ZMAT1: variants seen among roughly 807,000 people sequenced by gnomAD.
ZMAT1 encodes the protein zinc finger matrin-type 1.
ZMAT1 carries 11 observed loss-of-function variants against 18.5 expected under a neutral mutation model. The ratio of observed to expected loss-of-function variants is 0.59; its 90% CI spans 0.37 to 0.98. ZMAT1 has a LOEUF of 0.98. ZMAT1 is among the 50% of genes least tolerant of loss of function. The probability of loss-of-function intolerance (pLI) is 0.01; values close to 1 mark genes in which losing one functional copy is unlikely to be tolerated. For synonymous variants in ZMAT1, 211 were observed against 176.4 expected, an observed-to-expected ratio of 1.20 and a Z score of -1.55; for missense variants, 525 against 496.2, an observed-to-expected ratio of 1.06 and a Z score of -0.55.
In ZMAT1 at chrX:101,889,197, T is replaced by C. The variant is rs546224303; in HGVS notation, c.677-2466A>G. On this transcript the variant is annotated intron_variant, in intron 4 of 5. Coordinates refer to ENST00000651725, the MANE Select transcript of ZMAT1 (RefSeq NM_001394560.1). ...TGTGTAAACCCTTTCTGTGAAGATA[T>C]GAAACCTATTTATGGCCCCAAGGTC... The C allele has an allele frequency of 3.6e-5, 4 of 111,708 alleles. No individual in the cohort carries two copies. The South Asian group carries it at 1.5e-3, about 42-fold the overall frequency. 9.2% of individuals were successfully genotyped at this position (111,708 alleles called of 1,213,427 possible).
intron 1 of ZMAT1, among the ~76,000 whole-genome samples, chrX:101,921,099 G>A (rs1929695140): frequency 2.7e-5 from 3 of 110,850 alleles, no homozygotes; most frequent in African/African-American, 9.8e-5. Flanking sequence ...CGAAGTTGAG[G>A]CTAAATAATC....
Position 101,898,156 on chromosome X carries a change from G to T in ZMAT1, c.464C>A (p.Pro155His), listed in dbSNP as rs769324501. The change falls in exon 3 of 6, where the codon CCT becomes CAT. Residue 155 changes from proline to histidine, a missense_variant. Pro to His is a moderately conservative substitution (Grantham distance 77, BLOSUM62 -2). Coordinates refer to ENST00000651725, the MANE Select transcript of ZMAT1 (RefSeq NM_001394560.1). Reference protein sequence around the residue: ...FQMHGEQNEVPGKKMKMHVEN... With the variant: ...FQMHGEQNEVHGKKMKMHVEN... ...AACATGCATCTTCATTTTCTTACCA[G>T]GCACTTCATTTTGTTCCCCATGCAT... The T allele has an allele frequency of 4.1e-6, 5 of 1,209,054 alleles. No individual in the cohort carries two copies. Among genetic ancestry groups the T allele is most frequent in the Middle Eastern group, 2.3e-4 (1 of 4,370 alleles).
intron 1 of ZMAT1, among the ~76,000 whole-genome samples, chrX:101,907,226 G>T (rs1928674700): frequency 9.0e-6 from 1 of 111,474 alleles, no homozygotes; most frequent in African/African-American, 3.3e-5. Flanking sequence ...CAGGCTTCAG[G>T]TTGGCAGGTT....
At chrX:101,885,063 A>T (rs1447502665) in intron 5 of ZMAT1, among the ~76,000 whole-genome samples, 1 of 111,072 alleles carries the variant, frequency 9.0e-6, no homozygotes, top group African/African-American at 3.3e-5. Flanking sequence ...CCCCCCAAAA[A>T]GGAGCATGGA....
At chrX:101,889,463 T>C (rs996480869) in intron 4 of ZMAT1, 1 of 111,675 alleles carries the variant, frequency 9.0e-6, no homozygotes, top group Non-Finnish European at 1.9e-5. Context: ...CATAAGTCTC[T>C]GAACTAAGGT....
At chrX:101,904,145 A>G in intron 2 of ZMAT1, 79 bp downstream of exon 2, 1 of 674,906 alleles carries the variant, frequency 1.5e-6, no homozygotes, top group South Asian at 3.3e-5. Context: ...ATAAGAATCA[A>G]GTAAGATGAC....
chrX:101,929,470 G>C (rs188946007), intron 1 of ZMAT1, among the ~76,000 whole-genome samples: 1,232 of 81,295 alleles, frequency 0.015, 9 homozygotes, highest in East Asian at 0.049. Context: ...CACAGAGAGA[G>C]AGAGAGAGAG....
At chrX:101,927,624 G>A (rs1930134746) in intron 1 of ZMAT1, among the ~76,000 whole-genome samples, 1 of 111,815 alleles carries the variant, frequency 8.9e-6, no homozygotes, top group Non-Finnish European at 1.9e-5. Context: ...ATAATCATAA[G>A]CACTTTGTAG....
At chrX:101,913,715 A>G (rs1218405369) in intron 1 of ZMAT1, among the ~76,000 whole-genome samples, 1 of 111,876 alleles carries the variant, frequency 8.9e-6, no homozygotes, top group African/African-American at 3.2e-5. Flanking sequence ...CAAGTGAAAG[A>G]GAGAGATAGG....
At chrX:101,898,096 C>A (rs189207863) in intron 3 of ZMAT1, 23 bp downstream of exon 3, 2 of 1,206,265 alleles carry the variant, frequency 1.7e-6, no homozygotes, top group African/African-American at 3.5e-5. Flanking sequence ...GTTTGGATTA[C>A]AATACCAACA....
chrX:101,908,829 C>T (rs1173663750), intron 1 of ZMAT1, among the ~76,000 whole-genome samples: 1 of 111,286 alleles, frequency 9.0e-6, no homozygotes, highest in Non-Finnish European at 1.9e-5. Flanking sequence ...GCAGTCTAGG[C>T]AATAGGTACC....
chrX:101,900,810 T>G (rs1317963820), intron 2 of ZMAT1, among the ~76,000 whole-genome samples: 1 of 111,754 alleles, frequency 8.9e-6, no homozygotes, highest in African/African-American at 3.3e-5. Flanking sequence ...CATATGAAGT[T>G]TAGAATTGTT....
chrX:101,884,432 T>C lies in ZMAT1; in HGVS notation c.1166A>G (p.Asn389Ser). Residue 389 changes from asparagine to serine, a missense_variant, in exon 6 of 6, where the codon AAC (asparagine) becomes AGC (serine). Asn to Ser is a conservative substitution (Grantham distance 46). Coordinates refer to ENST00000651725, the MANE Select transcript of ZMAT1 (RefSeq NM_001394560.1). Reference sequence around the variant, plus strand: ...TCTGTACCCATGAGTATCCACAGAGTTCTCTCTCATCTTTCTGAAACAAGT... The same window carrying C: ...TCTGTACCCATGAGTATCCACAGAGCTCTCTCTCATCTTTCTGAAACAAGT... ...PKTCFRKMRE[N>S]SVDTHGYREM... The C allele has an allele frequency of 8.3e-7, 1 of 1,206,795 alleles. No homozygotes were observed. The highest frequency in any genetic ancestry group is 1.1e-6 in the Non-Finnish European group (1 of 893,674).
intron 1 of ZMAT1, among the ~76,000 whole-genome samples, chrX:101,910,743 A>G (rs1697302545): frequency 8.9e-6 from 1 of 111,907 alleles, no homozygotes; most frequent in Admixed American, 9.5e-5. Flanking sequence ...GACAAAAGAA[A>G]AAAGAATAAA....
intron 1 of ZMAT1, among the ~76,000 whole-genome samples, chrX:101,915,887 C>T (rs1180507404): frequency 2.7e-5 from 3 of 112,254 alleles, no homozygotes; most frequent in South Asian, 7.4e-4. Context: ...AATCCCATTA[C>T]TGGATATATA....
At chrX:101,911,974 G>T (rs1297020314) in intron 1 of ZMAT1, 25 of 1,197,958 alleles carry the variant, frequency 2.1e-5, no homozygotes, top group Non-Finnish European at 2.7e-5. Context: ...AGCACCGGAG[G>T]ATCCACACAG....
At chrX:101,909,787 T>C (rs771041037) in intron 1 of ZMAT1, among the ~76,000 whole-genome samples, 1 of 112,522 alleles carries the variant, frequency 8.9e-6, no homozygotes, top group African/African-American at 3.2e-5. Flanking sequence ...CTAAGGTTTT[T>C]TTAACTCTAG....
At chrX:101,923,247 T>C (rs1204979908) in intron 1 of ZMAT1, among the ~76,000 whole-genome samples, 2 of 112,036 alleles carry the variant, frequency 1.8e-5, no homozygotes, top group Non-Finnish European at 3.8e-5. Flanking sequence ...TTAATTCCAA[T>C]AGTAAGAGTT....
At chrX:101,923,391 G>A in intron 1 of ZMAT1, among the ~76,000 whole-genome samples, 1 of 111,468 alleles carries the variant, frequency 9.0e-6, no homozygotes, top group Non-Finnish European at 1.9e-5. Flanking sequence ...GGTGATCAAT[G>A]AAAAAATATA....
Sources: allele counts gnomAD v4.1 joint callset (sites outside exome capture counted in the v4.1 genomes callset), GRCh38; gene constraint gnomAD v4.1.1; transcripts MANE v1.5; gene names NCBI Gene and HGNC (gene_info 2026-07-23, HGNC 2026-07-21).